The following ADGRG1 variants were observed in gnomAD, a reference collection of about 807,000 sequenced individuals.
ADGRG1 encodes 7-transmembrane protein with no EGF-like N-terminal domains-1.
In ADGRG1, 53 loss-of-function variants were observed where a neutral mutation model predicts 73.5. That is an observed-to-expected ratio of 0.72 (90% CI 0.58 to 0.91). The LOEUF is 0.91. Among genes scored for constraint, ADGRG1 ranks in the 40% least tolerant of loss-of-function variants. The pLI, the probability that ADGRG1 is intolerant of heterozygous loss-of-function variation, is 0.00. For synonymous variants in ADGRG1, 394 were observed against 374.4 expected (o/e 1.05, Z -0.60); for missense variants, 795 against 871.8 (o/e 0.91, Z 1.11).
In ADGRG1 at chr16:57,650,292, C is replaced by T. The variant is rs1211862342; in HGVS notation, c.5C>T (p.Thr2Ile). The T allele has an allele frequency of 1.9e-6, 3 of 1,613,478 alleles. No homozygotes were observed. Among genetic ancestry groups the T allele is most frequent in the South Asian group, 2.2e-5 (2 of 91,082 alleles). Residue 2 changes from threonine (T) to isoleucine (I), a missense_variant, in exon 2 of 14, where the codon ACT (threonine) becomes ATT (isoleucine). Coordinates refer to ENST00000562631, the MANE Select transcript of ADGRG1 (RefSeq NM_201525.4). ...GAGTGACTCCGTCGGAGGAAAATGA[C>T]TCCCCAGTCGCTGCTGCAGACGACA... M[T>I]PQSLLQTTLF...
upstream of ADGRG1, chr16:57,627,656 T>G (rs767269835): frequency 4.2e-5 from 14 of 331,220 alleles, no homozygotes; most frequent in Non-Finnish European, 6.0e-5. Flanking sequence ...TTACTGTTAT[T>G]GTCACCACTC....
chr16:57,643,886 G>C (rs573510007), intron 1 of ADGRG1: 692 of 970,614 alleles, frequency 7.1e-4, no homozygotes, highest in Non-Finnish European at 8.3e-4. Context: ...CATGGGTGCG[G>C]CTGAGGGGTG....
chr16:57,663,150 C>T (rs1023135316), intron 13 of ADGRG1: 36 of 909,382 alleles, frequency 4.0e-5, no homozygotes, highest in Non-Finnish European at 1.7e-5. Flanking sequence ...CAGTTTGAGC[C>T]CTGGCTCAGC....
chr16:57,659,167 C>G (rs1244886357), intron 10 of ADGRG1: 7 of 985,292 alleles, frequency 7.1e-6, no homozygotes, highest in Non-Finnish European at 8.4e-6. Flanking sequence ...CTCGCTCTGC[C>G]TGGCTGAGGC....
chr16:57,636,339 T>C (rs777557616), intron 1 of ADGRG1: 7 of 985,258 alleles, frequency 7.1e-6, no homozygotes, highest in African/African-American at 3.5e-5. Context: ...CCCAGTGGCA[T>C]AGGAAAGGCA....
At chr16:57,627,606 G>A (rs1489455856), upstream of ADGRG1, 4 of 177,324 alleles carry the variant, frequency 2.3e-5, no homozygotes, top group Non-Finnish European at 4.4e-5. Flanking sequence ...TGCCAGGGGC[G>A]CTCTGGAGCT....
At chr16:57,646,766 T>C (rs2042755533) in intron 1 of ADGRG1, 1 of 924,142 alleles carries the variant, frequency 1.1e-6, no homozygotes, top group Non-Finnish European at 1.3e-6. Flanking sequence ...AGTGTCCGCA[T>C]CTGTAAAATG....
chr16:57,634,256 C>T, intron 1 of ADGRG1: 1 of 985,350 alleles, frequency 1.0e-6, no homozygotes, highest in South Asian at 4.7e-5. Flanking sequence ...GGTCTCGGAC[C>T]CTGTGGCAGG....
chr16:57,659,244 A>C, intron 10 of ADGRG1, 169 bp from the exon 11 acceptor site: 1 of 1,485,774 alleles, frequency 6.7e-7, no homozygotes, highest in African/African-American at 1.4e-5. Context: ...GCACAGGGGG[A>C]TGTGGGGAAC....
intron 1 of ADGRG1, among the ~76,000 whole-genome samples, chr16:57,638,153 G>A (rs756797569): frequency 5.3e-5 from 8 of 152,368 alleles, no homozygotes; most frequent in South Asian, 2.1e-4. Context: ...TTCAAATAAA[G>A]TTGGCTGAGC....
intron 1 of ADGRG1, chr16:57,632,435 G>T (rs1445952489): frequency 1.6e-6 from 1 of 607,994 alleles, no homozygotes; most frequent in Non-Finnish European, 2.1e-6. Context: ...AGCATGAAGA[G>T]AGTTGATAGA....
intron 1 of ADGRG1, chr16:57,639,612 A>G (rs2040249282): frequency 3.0e-6 from 3 of 985,496 alleles, no homozygotes; most frequent in Non-Finnish European, 3.6e-6. Flanking sequence ...AGAACCCCTC[A>G]TCTGCCACGC....
chr16:57,663,736 G>C lies in ADGRG1; in HGVS notation c.*154G>C. 1.6e-5 allele frequency: 13 copies of C among 820,384 alleles called. No homozygotes were observed. The South Asian group carries it at 2.0e-4, about 13-fold the overall frequency. 50.8% of individuals were successfully genotyped at this position (820,384 alleles called of 1,614,324 possible). A position where few individuals can be genotyped will look rare whatever the true frequency, so the allele number is the denominator to read the frequency against. On this transcript the variant is annotated 3_prime_UTR_variant, in exon 14 of 14. Coordinates refer to ENST00000562631, the MANE Select transcript of ADGRG1 (RefSeq NM_201525.4). Reference sequence around the variant, plus strand: ...GAGATGGGCCGTTGCCATGGTGGACGGACTCCCGGGCTGGGCTTTTGAATT... The same window carrying C: ...GAGATGGGCCGTTGCCATGGTGGACCGACTCCCGGGCTGGGCTTTTGAATT...
intron 1 of ADGRG1, chr16:57,635,673 T>C: frequency 2.0e-6 from 2 of 984,428 alleles, no homozygotes; most frequent in Non-Finnish European, 1.2e-6. Flanking sequence ...CTTTGGGCCC[T>C]GTGGCTCAGC....
At chr16:57,626,633 C>A (rs2035887892), upstream of ADGRG1, 1 of 985,366 alleles carries the variant, frequency 1.0e-6, no homozygotes, top group African/African-American at 1.7e-5. Flanking sequence ...GCTGGCTCCG[C>A]ACTCTCTTCA....
intron 1 of ADGRG1, chr16:57,642,503 G>T: frequency 1.0e-6 from 1 of 984,674 alleles, no homozygotes; most frequent in Non-Finnish European, 1.2e-6. Context: ...TGGATAACAG[G>T]TGTCCGTGCA....
At chr16:57,634,187 C>A in intron 1 of ADGRG1, 1 of 985,404 alleles carries the variant, frequency 1.0e-6, no homozygotes, top group Non-Finnish European at 1.2e-6. Flanking sequence ...GCAGCTGACC[C>A]CTTCTGGGTC....
intron 1 of ADGRG1, chr16:57,632,068 C>G: frequency 1.0e-6 from 1 of 985,498 alleles, no homozygotes; most frequent in South Asian, 4.7e-5. Context: ...CTGCCAGGCC[C>G]TGGGCTCAGT....
At chr16:57,643,368 G>C (rs1438300972) in intron 1 of ADGRG1, 1 of 162,560 alleles carries the variant, frequency 6.2e-6, no homozygotes, top group East Asian at 1.9e-4. Context: ...TTGGACAACT[G>C]ACTCTCTGGG....
Sources: allele counts gnomAD v4.1 joint callset (sites outside exome capture counted in the v4.1 genomes callset), GRCh38; gene constraint gnomAD v4.1.1; transcripts MANE v1.5; gene names NCBI Gene and HGNC (gene_info 2026-07-23, HGNC 2026-07-21).